The following AMT variants were observed in gnomAD, a reference collection of about 807,000 sequenced individuals.
The protein encoded by AMT is aminomethyltransferase, also known as aminomethyltransferase, mitochondrial.
AMT carries 24 observed loss-of-function variants against 39.5 expected under a neutral mutation model. The observed-to-expected ratio is 0.61, with a 90% CI of 0.44 to 0.86. The LOEUF is 0.86. Among genes scored for constraint, AMT ranks in the 40% least tolerant of loss-of-function variants. AMT has a pLI of 0.00. For missense variants in AMT, 501 were observed against 537.0 expected (o/e 0.93, Z 0.66); for synonymous variants, 210 against 212.1 (o/e 0.99, Z 0.09).
chr3:49,419,211 C>G, intron 6 of AMT, 49 bp downstream of exon 6: 6 of 1,613,972 alleles, frequency 3.7e-6, no homozygotes, highest in Non-Finnish European at 5.1e-6. Flanking sequence ...CCCAACCCCT[C>G]ACATGCATCC....
In AMT at chr3:49,417,290, T is replaced by G. The variant is rs2049014982; in HGVS notation, c.*250A>C. The G allele has an allele frequency of 6.3e-7, 1 of 1,598,252 alleles. No homozygotes were observed. Among genetic ancestry groups the G allele is most frequent in the South Asian group, 1.1e-5 (1 of 91,044 alleles). On this transcript the variant is annotated 3_prime_UTR_variant, in exon 9 of 9. Coordinates refer to ENST00000273588, the MANE Select transcript of AMT (RefSeq NM_000481.4). The stretch of plus-strand genomic sequence containing the variant: ...CTCATTACCCTCCAGCAGGCAAGAG[T>G]AGGTCAGTGGGATCATGGACTGAAA...
At chr3:49,418,151 A>C in intron 7 of AMT, 178 bp from the exon 8 acceptor site, 1 of 713,008 alleles carries the variant, frequency 1.4e-6, no homozygotes, top group South Asian at 1.7e-5. Flanking sequence ...TATCCCCTGG[A>C]GGCCATGCTG....
intron 3 of AMT, chr3:49,421,079 G>A: frequency 3.6e-6 from 1 of 274,512 alleles, no homozygotes; most frequent in South Asian, 3.8e-5. Flanking sequence ...TAATTTTTGT[G>A]TTTTTAGTAG....
At chr3:49,420,529 T>C (rs1311937318) in intron 3 of AMT, 187 bp from the exon 4 acceptor site, 2 of 779,234 alleles carry the variant, frequency 2.6e-6, no homozygotes, top group Non-Finnish European at 4.2e-6. Flanking sequence ...TCAAGTAAGT[T>C]TTCATCCCCT....
At chr3:49,419,819 G>A (rs1559529077) in intron 4 of AMT, 31 bp from the exon 5 acceptor site, 2 of 1,602,906 alleles carry the variant, frequency 1.2e-6, no homozygotes, top group Non-Finnish European at 1.7e-6. Flanking sequence ...AGCATCTGGG[G>A]CCACTTACTG....
intron 3 of AMT, 138 bp from the exon 4 acceptor site, chr3:49,420,480 A>G: frequency 2.3e-6 from 3 of 1,323,106 alleles, no homozygotes; most frequent in Non-Finnish European, 3.2e-6. Context: ...TGCAAGGTAC[A>G]AGTCTGGGCC....
At chr3:49,418,918 C>G (rs2049048018) in intron 7 of AMT, 53 bp downstream of exon 7, 3 of 1,593,896 alleles carry the variant, frequency 1.9e-6, no homozygotes, top group Middle Eastern at 1.8e-4. Context: ...CTAGTCTTAT[C>G]AAGGGTCACC....
intron 4 of AMT, 159 bp downstream of exon 4, chr3:49,420,052 C>A: frequency 9.9e-7 from 1 of 1,012,650 alleles, no homozygotes. Flanking sequence ...CAAACCCTGG[C>A]GTGCTCCAGA....
At chr3:49,419,902 GAAA>G in intron 4 of AMT, 114 bp from the exon 5 acceptor site, 2 of 1,015,450 alleles carry the variant, frequency 2.0e-6, no homozygotes, top group African/African-American at 1.6e-5. Flanking sequence ...GAGGAGGGAG[GAAA>G]AAAAAAGGTA....
chr3:49,420,421 C>T, intron 3 of AMT, 79 bp from the exon 4 acceptor site: 1 of 1,604,938 alleles, frequency 6.2e-7, no homozygotes, highest in Non-Finnish European at 8.5e-7. Flanking sequence ...ACCCTGGACC[C>T]ACTTAGTTAC....
intron 3 of AMT, 185 bp from the exon 4 acceptor site, chr3:49,420,527 G>T: frequency 1.2e-6 from 1 of 804,926 alleles, no homozygotes; most frequent in Non-Finnish European, 2.0e-6. Context: ...CATCAAGTAA[G>T]TTTTCATCCC....
intron 2 of AMT, 168 bp downstream of exon 2, chr3:49,421,936 G>T: frequency 2.2e-6 from 2 of 923,404 alleles, no homozygotes; most frequent in Non-Finnish European, 3.4e-6. Flanking sequence ...GACCCTCTGA[G>T]CTCATTTCCT....
intron 3 of AMT, chr3:49,420,665 GGAC>G (rs2049085409): frequency 2.6e-6 from 1 of 379,886 alleles, no homozygotes. Flanking sequence ...CCCAAACCTG[GGAC>G]GACTTAGCCC....
In AMT at chr3:49,417,981, A is replaced by G. The variant is rs2107929385; in HGVS notation, c.878-8T>C. On this transcript the variant is annotated splice_region_variant and splice_polypyrimidine_tract_variant and intron_variant, in intron 7 of 8. Transcript: ENST00000273588. ...CAGCTCGGCGGCGCTTCCCTGGAGA[A>G]TGACACATGAGACATAAGCCACAGC... 1 of 1,603,632 alleles carries G rather than the reference A, an allele frequency of 6.2e-7. No homozygotes were observed. Among genetic ancestry groups the G allele is most frequent in the Non-Finnish European group, 8.5e-7 (1 of 1,175,756 alleles).
At position 49,419,306 on chromosome 3, in the gene AMT, C is replaced by A. The variant is rs749047993; in HGVS notation, c.650G>T (p.Gly217Val). The A allele has an allele frequency of 6.2e-7, 1 of 1,614,184 alleles. No individual in the cohort carries two copies. Reference sequence around the variant, plus strand: ...GTAGCCACAGCGGGTCACGCGGCAGCCAGACACGCCAAACACCTCCATCAC... The same window carrying A: ...GTAGCCACAGCGGGTCACGCGGCAGACAGACACGCCAAACACCTCCATCAC... ...SAVMEVFGVS[G>V]CRVTRCGYTG... The change falls in exon 6 of 9, where the codon GGC (glycine) becomes GTC (valine). Residue 217 changes from glycine to valine, a missense_variant. Physicochemically the swap from Gly to Val is moderately radical, Grantham distance 109 (BLOSUM62 -3). Transcript: ENST00000273588.
intron 2 of AMT, chr3:49,421,835 C>T: frequency 1.5e-6 from 1 of 684,746 alleles, no homozygotes; most frequent in Non-Finnish European, 2.6e-6. Flanking sequence ...AACATCCAGC[C>T]CAATACATGA....
At position 49,417,612 on chromosome 3, in the gene AMT, C is replaced by T. The variant is rs746645414; in HGVS notation, c.1140G>A (p.Val380=). Residue 380 remains valine (V), a synonymous_variant, in exon 9 of 9, where the codon GTG becomes GTA. Coordinates refer to ENST00000273588, the MANE Select transcript of AMT (RefSeq NM_000481.4). ...CTACAGCCATCTGCTGCTTCCGCCG[C>T]ACCTCTACCAGCAGCATTGTCCCTG... ...SRPGTMLLVE[V]RRKQQMAVVS... 6.2e-7 allele frequency: 1 copy of T among 1,614,198 alleles called. No individual in the cohort carries two copies. The highest frequency in any genetic ancestry group is 8.5e-7 in the Non-Finnish European group (1 of 1,180,042).
chr3:49,420,379 A>G, intron 3 of AMT, 37 bp from the exon 4 acceptor site: 1 of 1,613,734 alleles, frequency 6.2e-7, no homozygotes, highest in Non-Finnish European at 8.5e-7. Context: ...TTCCAGGTCC[A>G]GGAGGGCAAG....
Position 49,419,334 on chromosome 3 carries a change from C to T in AMT, c.622G>A (p.Ala208Thr). 6.2e-7 allele frequency: 1 copy of T among 1,614,202 alleles called. No individual in the cohort carries two copies. Among genetic ancestry groups the T allele is most frequent in the Non-Finnish European group, 8.5e-7 (1 of 1,180,040 alleles). The change falls in exon 6 of 9, where the codon GCT becomes ACT. Residue 208 changes from alanine (A) to threonine (T), a missense_variant. Ala to Thr is a moderately conservative substitution (Grantham distance 58). Coordinates refer to ENST00000273588, the MANE Select transcript of AMT (RefSeq NM_000481.4). ...GACACGCCAAACACCTCCATCACAG[C>T]ACTGGTCATGAAGGGCAGTTTCCTC... ...DLRKLPFMTS[A>T]VMEVFGVSGC...
Sources: allele counts gnomAD v4.1 joint callset, GRCh38; gene constraint gnomAD v4.1.1; transcripts MANE v1.5; gene names NCBI Gene and HGNC (gene_info 2026-07-23, HGNC 2026-07-21).